CHD9: variants seen among roughly 807,000 people sequenced by gnomAD.
The protein encoded by CHD9 is chromodomain helicase DNA binding protein 9.
CHD9 carries 77 observed loss-of-function variants against 316.1 expected under a neutral mutation model. The observed-to-expected ratio is 0.24, with a 90% CI of 0.20 to 0.29. The LOEUF (loss-of-function observed/expected upper bound fraction) is 0.29. CHD9 is among the 10% of genes least tolerant of loss of function. The pLI is 1.00. For missense variants in CHD9, 2,763 were observed against 3,438.1 expected, an observed-to-expected ratio of 0.80 and a Z score of 4.91; for synonymous variants, 1,129 against 1,158.3, an observed-to-expected ratio of 0.97 and a Z score of 0.51.
At chr16:53,216,059 T>C (rs1376552521) in intron 3 of CHD9, among the ~76,000 whole-genome samples, 2 of 152,186 alleles carry the variant, frequency 1.3e-5, no homozygotes, top group Admixed American at 1.3e-4. Context: ...AAGACCAAAA[T>C]TTGCATAAAG....
chr16:53,247,356 A>G lies in CHD9; in HGVS notation c.3518A>G (p.His1173Arg). The G allele has an allele frequency of 6.2e-7, 1 of 1,607,604 alleles. No homozygotes were observed. The highest frequency in any genetic ancestry group is 8.5e-7 in the Non-Finnish European group (1 of 1,176,512). The change falls in exon 16 of 39, where the codon CAT becomes CGT. Residue 1173 changes from histidine (H) to arginine (R), a missense_variant. Physicochemically the swap from His to Arg is conservative, Grantham distance 29. Around this residue, in one of 15 missense-constraint regions of CHD9, gnomAD observed 155 missense variants for 291.8 expected, o/e 0.53. Coordinates refer to ENST00000447540, the MANE Select transcript of CHD9 (RefSeq NM_001308319.2). ...TACAATCCAGCTGCTTCTGATTTTC[A>G]TCTTCAAGCAATGATCCAGTCTGCT... ...DTYNPAASDF[H>R]LQAMIQSAGK...
chr16:53,164,449 T>TTACTA (rs2042132599), intron 2 of CHD9, among the ~76,000 whole-genome samples: 1 of 151,988 alleles, frequency 6.6e-6, no homozygotes, highest in African/African-American at 2.4e-5. Context: ...AGTGATGGTG[T>TTACTA]GCACCTGTAG....
intron 1 of CHD9, among the ~76,000 whole-genome samples, chr16:53,146,419 G>GTGTGTATATATATATATATA (rs1555492145): frequency 2.6e-5 from 2 of 76,714 alleles, no homozygotes; most frequent in African/African-American, 1.2e-4. Flanking sequence ...GTGTGTGTAT[G>GTGTGTATATATATATATATA]TATATATATA....
At chr16:53,184,509 G>GTT (rs1235869254) in intron 2 of CHD9, among the ~76,000 whole-genome samples, 3 of 151,828 alleles carry the variant, frequency 2.0e-5, no homozygotes, top group Non-Finnish European at 2.9e-5. Context: ...GTGAATTTTT[G>GTT]TTTTTGTTTT....
chr16:53,239,174 T>C (rs1317511548), intron 12 of CHD9, among the ~76,000 whole-genome samples: 1 of 152,182 alleles, frequency 6.6e-6, no homozygotes, highest in Non-Finnish European at 1.5e-5. Flanking sequence ...TAGAGGAGCA[T>C]TTTCTATTTT....
intron 1 of CHD9, among the ~76,000 whole-genome samples, chr16:53,155,182 C>A (rs1317728516): frequency 6.6e-6 from 1 of 152,152 alleles, no homozygotes; most frequent in Non-Finnish European, 1.5e-5. Context: ...CTTGCAAATA[C>A]TTGCCAAGTA....
chr16:53,272,692 TATA>T (rs2052389250), intron 22 of CHD9, among the ~76,000 whole-genome samples: 1 of 152,168 alleles, frequency 6.6e-6, no homozygotes, highest in Non-Finnish European at 1.5e-5. Context: ...GGCTTACATT[TATA>T]ATATAATATC....
chr16:53,253,031 A>G (rs1251771027), intron 17 of CHD9, among the ~76,000 whole-genome samples: 2 of 152,212 alleles, frequency 1.3e-5, no homozygotes, highest in African/African-American at 4.8e-5. Flanking sequence ...TGTTTGATCC[A>G]GCAATCTCAC....
chr16:53,293,782 C>T (rs142328774), intron 29 of CHD9, among the ~76,000 whole-genome samples: 2,602 of 152,110 alleles, frequency 0.017, 76 homozygotes, highest in African/African-American at 0.06. Context: ...AAAACCCCAT[C>T]TCTACTAAAA....
At chr16:53,152,872 T>C (rs1409372832) in intron 1 of CHD9, among the ~76,000 whole-genome samples, 1 of 152,120 alleles carries the variant, frequency 6.6e-6, no homozygotes, top group East Asian at 1.9e-4. Context: ...TGATTATAGA[T>C]AGAAAAGAGA....
intron 24 of CHD9, among the ~76,000 whole-genome samples, chr16:53,284,570 A>G (rs2053695454): frequency 6.6e-6 from 1 of 152,180 alleles, no homozygotes; most frequent in Non-Finnish European, 1.5e-5. Flanking sequence ...TTCTGGGAAA[A>G]TAATAATTTC....
At chr16:53,321,726 G>A (rs968008005) in intron 38 of CHD9, 96 bp downstream of exon 38, 1 of 736,700 alleles carries the variant, frequency 1.4e-6, no homozygotes, top group Non-Finnish European at 2.0e-6. Context: ...AATATTCCAT[G>A]AATTTGTGAC....
Position 53,324,873 on chromosome 16 carries a change from CAG to C in CHD9, c.8674_8675del (p.Asp2892PhefsTer2), listed in dbSNP as rs1270553849. ...AGTACATCGTCGTCATCTGAGGATT[CAG>C]ATTCTAGTAATGAAGACTGATTCCC... is the stretch of plus-strand genomic sequence containing the variant. On this transcript the variant is annotated frameshift_variant, in exon 39 of 39. Coordinates refer to ENST00000447540, the MANE Select transcript of CHD9 (RefSeq NM_001308319.2). LOFTEE classifies it high-confidence loss of function. 1.9e-6 allele frequency: 3 copies of C among 1,597,804 alleles called. No individual in the cohort carries two copies. The African/African-American group carries it at 4.1e-5, about 22-fold the overall frequency.
chr16:53,238,940 T>C (rs1225655187), intron 12 of CHD9, among the ~76,000 whole-genome samples: 1 of 152,174 alleles, frequency 6.6e-6, no homozygotes, highest in African/African-American at 2.4e-5. Flanking sequence ...ATTGTCCAGC[T>C]TTTTTCCCGT....
Position 53,319,829 on chromosome 16 carries a change from GTTA to G in CHD9, c.7713+1493_7713+1495del, listed in dbSNP as rs1177298696. 8 of 1,262,760 alleles carry G rather than the reference GTTA, an allele frequency of 6.3e-6. No individual in the cohort carries two copies. In the Admixed American group the frequency reaches 7.1e-5, roughly 11 times the overall value. 78.2% of individuals were successfully genotyped at this position (1,262,760 alleles called of 1,614,324 possible). A position where few individuals can be genotyped will look rare whatever the true frequency, so the allele number is the denominator to read the frequency against. On this transcript the variant is annotated intron_variant, in intron 37 of 38. Coordinates refer to ENST00000447540, the MANE Select transcript of CHD9 (RefSeq NM_001308319.2). ...CGGGTACAGGCTTAAGGATTGATGA[GTTA>G]TTAAGGAAAAGAATCTACCTGCTAA...
chr16:53,305,085 G>A (rs546615606), intron 31 of CHD9, among the ~76,000 whole-genome samples: 7 of 151,174 alleles, frequency 4.6e-5, no homozygotes, highest in Admixed American at 3.3e-4. Flanking sequence ...TTTTTGAAAC[G>A]GAGTCTCGCT....
chr16:53,251,377 A>G (rs1242289089), intron 17 of CHD9, among the ~76,000 whole-genome samples: 1 of 152,244 alleles, frequency 6.6e-6, no homozygotes, highest in East Asian at 1.9e-4. Context: ...AAGAGAAAGT[A>G]TCCTGAATCT....
At position 53,187,224 on chromosome 16, in the gene CHD9, G is replaced by C. The variant is rs144296078; in HGVS notation, c.1453-22258G>C. ...AATTCAAGAAGAAAGTGTAGAGGGA[G>C]AAGCCAGGTGCAGTCACTCATGCCT... On this transcript the variant is annotated intron_variant, in intron 2 of 38. Transcript: ENST00000447540. Among the ~76,000 whole-genome samples, 1,016 of 152,240 alleles carry C rather than the reference G, an allele frequency of 6.7e-3. 7 individuals are homozygous for C. The highest frequency in any genetic ancestry group is 0.023 in the African/African-American group (937 of 41,542).
intron 1 of CHD9, among the ~76,000 whole-genome samples, chr16:53,139,119 T>C (rs2039917811): frequency 2.6e-5 from 4 of 151,542 alleles, no homozygotes; most frequent in South Asian, 4.2e-4. Context: ...AAAGAAGAGA[T>C]AGATACAAAG....
Sources: allele counts gnomAD v4.1 joint callset (sites outside exome capture counted in the v4.1 genomes callset), GRCh38; gene constraint gnomAD v4.1.1; regional missense constraint gnomAD v4.1.1; transcripts MANE v1.5; gene names NCBI Gene and HGNC (gene_info 2026-07-23, HGNC 2026-07-21).